Variants in KCNMA1 observed in about 807,000 individuals in gnomAD.
KCNMA1 encodes Calcium-activated potassium channel subunit alpha-1.
KCNMA1 carries 29 observed loss-of-function variants against 140.0 expected under a neutral mutation model. That is an observed-to-expected ratio of 0.21 (90% CI 0.15 to 0.28). The LOEUF (loss-of-function observed/expected upper bound fraction) is 0.28. KCNMA1 is among the 10% of genes least tolerant of loss of function. The pLI is 1.00. For missense variants in KCNMA1, 880 were observed against 1,602.2 expected (o/e 0.55, Z 7.70); for synonymous variants, 612 against 611.9 (o/e 1.00, Z 0.00).
At chr10:76,974,568 C>A (rs960784345) in intron 19 of KCNMA1, 2 of 1,543,040 alleles carry the variant, frequency 1.3e-6, no homozygotes, top group African/African-American at 2.7e-5. Flanking sequence ...CTAGCTGCAA[C>A]CTTGACTGCC....
intron 1 of KCNMA1, among the ~76,000 whole-genome samples, chr10:77,485,570 G>C (rs2098450764): frequency 6.6e-6 from 1 of 152,212 alleles, no homozygotes; most frequent in South Asian, 2.1e-4. Context: ...AGTAAGGATG[G>C]CTCAGCCAAA....
intron 17 of KCNMA1, among the ~76,000 whole-genome samples, chr10:77,018,064 C>T (rs1470965761): frequency 6.6e-6 from 1 of 152,128 alleles, no homozygotes; most frequent in Non-Finnish European, 1.5e-5. Flanking sequence ...TGGCCTTGGA[C>T]AAATCACTTA....
intron 5 of KCNMA1, among the ~76,000 whole-genome samples, chr10:77,172,689 T>C (rs1185793077): frequency 3.9e-5 from 3 of 76,308 alleles, no homozygotes; most frequent in African/African-American, 1.9e-4. Context: ...TTGAATTCTT[T>C]CTCAAAAAAA....
chr10:77,315,148 G>A (rs1363833955), intron 2 of KCNMA1, among the ~76,000 whole-genome samples: 1 of 152,130 alleles, frequency 6.6e-6, no homozygotes, highest in Non-Finnish European at 1.5e-5. Context: ...GGCAGGGAAG[G>A]GCATCTGGGA....
chr10:76,916,017 AACACAC>A (rs71649417), intron 23 of KCNMA1, among the ~76,000 whole-genome samples: 10 of 146,296 alleles, frequency 6.8e-5, no homozygotes, highest in South Asian at 4.4e-4. Context: ...TATACACATA[AACACAC>A]ACACACACAC....
intron 5 of KCNMA1, among the ~76,000 whole-genome samples, chr10:77,142,001 T>C (rs1461859891): frequency 6.6e-6 from 1 of 152,206 alleles, no homozygotes. Context: ...TTGGTGGCAT[T>C]TATAGTATAA....
chr10:77,148,380 A>G (rs1164415791), intron 5 of KCNMA1: 1 of 152,038 alleles, frequency 6.6e-6, no homozygotes, highest in African/African-American at 2.4e-5. Context: ...CCAAAAGGGG[A>G]CTCTTGATTT....
At chr10:77,195,758 G>A (rs2040246927) in intron 3 of KCNMA1, among the ~76,000 whole-genome samples, 1 of 151,984 alleles carries the variant, frequency 6.6e-6, no homozygotes, top group Non-Finnish European at 1.5e-5. Context: ...AGACCAGCCT[G>A]GCCAACATGG....
chr10:77,116,764 C>T (rs2097481770), intron 6 of KCNMA1, among the ~76,000 whole-genome samples: 2 of 152,166 alleles, frequency 1.3e-5, no homozygotes, highest in African/African-American at 4.8e-5. Context: ...CTTCCCTGGA[C>T]TACTGCCTCC....
At chr10:77,391,391 A>C (rs2095815819) in intron 2 of KCNMA1, among the ~76,000 whole-genome samples, 1 of 152,142 alleles carries the variant, frequency 6.6e-6, no homozygotes, top group African/African-American at 2.4e-5. Context: ...CCAATTTTAC[A>C]AACTGAAATT....
intron 22 of KCNMA1, among the ~76,000 whole-genome samples, chr10:76,946,830 C>G (rs748339600): frequency 8.0e-4 from 122 of 152,314 alleles, no homozygotes; most frequent in Non-Finnish European, 1.4e-3. Flanking sequence ...ACAAGAAATA[C>G]AAATGACATA....
At chr10:77,277,085 GC>G (rs997832026) in intron 2 of KCNMA1, among the ~76,000 whole-genome samples, 15 of 152,166 alleles carry the variant, frequency 9.9e-5, no homozygotes, top group Admixed American at 7.9e-4. Context: ...CATTGTCTCT[GC>G]CCTGAGATGT....
intron 25 of KCNMA1, 52 bp downstream of exon 25, chr10:76,909,914 T>C (rs2049415181): frequency 3.8e-6 from 6 of 1,597,178 alleles, no homozygotes; most frequent in Admixed American, 1.7e-5. Flanking sequence ...GGAGGTGCTC[T>C]ATTGGCACAT....
intron 3 of KCNMA1, among the ~76,000 whole-genome samples, chr10:77,215,315 T>TTCTG (rs1239407006): frequency 7.0e-6 from 1 of 143,366 alleles, no homozygotes; most frequent in East Asian, 1.9e-4. Context: ...CAGTGCCCTC[T>TTCTG]TCTGTCGGGA....
chr10:77,637,116 G>C, intron 1 of KCNMA1, 149 bp downstream of exon 1: 1 of 1,266,798 alleles, frequency 7.9e-7, no homozygotes, highest in East Asian at 2.6e-5. Flanking sequence ...GAGAGCACCG[G>C]GAGAGCCGAG....
At chr10:77,599,131 A>G (rs2670121) in intron 1 of KCNMA1, among the ~76,000 whole-genome samples, 136,294 of 152,240 alleles carry the variant, frequency 0.9, 61,250 homozygotes, top group Middle Eastern at 0.96. Context: ...CTGGATGTAT[A>G]CGATACTGCT....
At chr10:77,535,262 C>T (rs2058639888) in intron 1 of KCNMA1, among the ~76,000 whole-genome samples, 3 of 152,222 alleles carry the variant, frequency 2.0e-5, no homozygotes, top group African/African-American at 7.2e-5. Context: ...TCCTGTTCAT[C>T]TACCCCACAT....
rs150647705 is a variant in KCNMA1 at position 77,410,881 on chromosome 10, C to T, written c.379-6858G>A. ...TTTGTCCATGAGCTCTCCACCTCAT[C>T]CCGACCTCTCCCTGTCTGTGCTGTC... On this transcript the variant is annotated intron_variant, in intron 1 of 27. Transcript: ENST00000286628. Among the ~76,000 whole-genome samples, 57 of 152,380 alleles carry T rather than the reference C, an allele frequency of 3.7e-4. No homozygotes were observed. In the East Asian group the frequency reaches 0.01, roughly 28 times the overall value.
intron 23 of KCNMA1, among the ~76,000 whole-genome samples, chr10:76,918,771 G>A (rs1453506461): frequency 2.6e-5 from 4 of 151,960 alleles, no homozygotes; most frequent in African/African-American, 7.3e-5. Flanking sequence ...GTCATTATTC[G>A]AAAAAGATAC....
Sources: allele counts gnomAD v4.1 joint callset (sites outside exome capture counted in the v4.1 genomes callset), GRCh38; gene constraint gnomAD v4.1.1; transcripts MANE v1.5; gene names NCBI Gene and HGNC (gene_info 2026-07-23, HGNC 2026-07-21).